The following UBE2K variants were observed in gnomAD, a reference collection of about 807,000 sequenced individuals.
UBE2K encodes the protein ubiquitin conjugating enzyme E2 K.
A neutral mutation model predicts 30.0 loss-of-function variants in UBE2K; 6 were observed. The observed-to-expected ratio is 0.20, with a 90% CI of 0.11 to 0.39. The LOEUF (loss-of-function observed/expected upper bound fraction) is 0.39, where lower values mean the gene tolerates loss of function less well. UBE2K is among the 10% of genes least tolerant of loss of function. UBE2K has a pLI of 1.00. For missense variants in UBE2K, 61 were observed against 241.6 expected (o/e 0.25, Z 4.96); for synonymous variants, 86 against 83.7 (o/e 1.03, Z -0.15).
intron 1 of UBE2K, among the ~76,000 whole-genome samples, chr4:39,706,391 C>T (rs1389271555): frequency 2.7e-5 from 4 of 150,458 alleles, no homozygotes; most frequent in Admixed American, 6.6e-5. Context: ...CTTAAACTCG[C>T]GGCCTCAGAT....
rs542937036 is a variant in UBE2K at position 39,779,249 on chromosome 4, G to T, written c.*815G>T. ...TGGAACTGCCAATTTTATTTCTCTT[G>T]CAAAAATAGTAAATACTTGATGTTA... On this transcript the variant is annotated 3_prime_UTR_variant, in exon 7 of 7. Coordinates refer to ENST00000261427, the MANE Select transcript of UBE2K (RefSeq NM_005339.5). The T allele has an allele frequency of 6.6e-6, 1 of 152,150 alleles. No homozygotes were observed. The highest frequency in any genetic ancestry group is 6.5e-5 in the Admixed American group (1 of 15,274). 9.4% of individuals were successfully genotyped at this position (152,150 alleles called of 1,614,324 possible). A position where few individuals can be genotyped will look rare whatever the true frequency, so the allele number is the denominator to read the frequency against.
chr4:39,771,877 C>T (rs149256772), intron 4 of UBE2K, among the ~76,000 whole-genome samples: 69 of 152,256 alleles, frequency 4.5e-4, no homozygotes, highest in African/African-American at 1.7e-3. Context: ...GTCTGGCTGT[C>T]TCCCTCAGGC....
At chr4:39,720,397 G>A (rs995671561) in intron 1 of UBE2K, among the ~76,000 whole-genome samples, 1 of 151,834 alleles carries the variant, frequency 6.6e-6, no homozygotes, top group African/African-American at 2.4e-5. Context: ...ATCATCTGTG[G>A]TTCAATTCTT....
At chr4:39,738,792 C>T (rs1720513532) in intron 2 of UBE2K, among the ~76,000 whole-genome samples, 1 of 151,992 alleles carries the variant, frequency 6.6e-6, no homozygotes, top group Non-Finnish European at 1.5e-5. Flanking sequence ...ATTCTCCTGC[C>T]TTAGCCTCCT....
chr4:39,773,612 AGT>A (rs1713070800), intron 4 of UBE2K, among the ~76,000 whole-genome samples: 1 of 151,904 alleles, frequency 6.6e-6, no homozygotes, highest in African/African-American at 2.4e-5. Flanking sequence ...TAGAAAAATA[AGT>A]GAGTGGATAA....
chr4:39,777,890 T>G, intron 6 of UBE2K, 80 bp downstream of exon 6: 2 of 1,319,266 alleles, frequency 1.5e-6, no homozygotes, highest in South Asian at 2.4e-5. Context: ...CAAAAGTGGT[T>G]TAGAAAATAA....
At chr4:39,757,018 GTTT>G (rs1227834116) in intron 4 of UBE2K, among the ~76,000 whole-genome samples, 1 of 72,120 alleles carries the variant, frequency 1.4e-5, no homozygotes, top group African/African-American at 5.5e-5. Context: ...TTTGTTTTTT[GTTT>G]TTTGTTTTTT....
intron 1 of UBE2K, among the ~76,000 whole-genome samples, chr4:39,704,661 C>A (rs147929222): frequency 1.2e-4 from 18 of 152,124 alleles, no homozygotes; most frequent in African/African-American, 4.1e-4. Context: ...CTACCTCAGC[C>A]TTCCAAGTAG....
intron 1 of UBE2K, among the ~76,000 whole-genome samples, chr4:39,706,316 A>G (rs148809789): frequency 6.6e-6 from 1 of 151,760 alleles, no homozygotes; most frequent in African/African-American, 2.4e-5. Flanking sequence ...CTGTCCGGCC[A>G]CAATACCCAG....
rs146644694 is a variant in UBE2K, at chr4:39,728,016, C to T, written c.64-9404C>T. Among the ~76,000 whole-genome samples, 47 of 152,146 alleles carry T rather than the reference C, an allele frequency of 3.1e-4. No individual in the cohort carries two copies. The East Asian group carries it at 7.5e-3, about 24-fold the overall frequency. ...AGGCGTGGTGCTGTGCGCCTGTAGT[C>T]CCAGCTACTCAGGAGGTTGAGACAG... On this transcript the variant is annotated intron_variant, in intron 1 of 6. Coordinates refer to ENST00000261427, the MANE Select transcript of UBE2K (RefSeq NM_005339.5).
intron 1 of UBE2K, among the ~76,000 whole-genome samples, chr4:39,701,823 C>T (rs1025725210): frequency 2.6e-5 from 4 of 150,990 alleles, no homozygotes; most frequent in Non-Finnish European, 5.9e-5. Flanking sequence ...TGCAGTGGTG[C>T]GATCTCAGCT....
chr4:39,771,593 G>GCGCTGGC (rs1712858881), intron 4 of UBE2K, among the ~76,000 whole-genome samples: 1 of 152,180 alleles, frequency 6.6e-6, no homozygotes, highest in Non-Finnish European at 1.5e-5. Context: ...GGGCGCGCTC[G>GCGCTGGC]CGCTGGCGGG....
chr4:39,765,932 CAT>C (rs1712297568), intron 4 of UBE2K, among the ~76,000 whole-genome samples: 5 of 151,974 alleles, frequency 3.3e-5, no homozygotes, highest in Non-Finnish European at 5.9e-5. Flanking sequence ...TACATACATA[CAT>C]ACATACACAC....
At chr4:39,750,525 A>G (rs879397261) in intron 3 of UBE2K, among the ~76,000 whole-genome samples, 5 of 152,122 alleles carry the variant, frequency 3.3e-5, no homozygotes, top group Non-Finnish European at 5.9e-5. Flanking sequence ...AGACAACGCT[A>G]CTACTAGTTT....
chr4:39,752,912 T>G (rs1030048395), intron 3 of UBE2K, among the ~76,000 whole-genome samples: 26 of 151,912 alleles, frequency 1.7e-4, no homozygotes, highest in African/African-American at 6.3e-4. Context: ...CCCAGCAGTT[T>G]GGGAGGCCGA....
chr4:39,714,620 C>T (rs1233989048), intron 1 of UBE2K, among the ~76,000 whole-genome samples: 1 of 141,012 alleles, frequency 7.1e-6, no homozygotes, highest in Admixed American at 7.6e-5. Context: ...GATCTCAGCC[C>T]ACTGCAGCCT....
chr4:39,716,655 G>C (rs1719081035), intron 1 of UBE2K, among the ~76,000 whole-genome samples: 1 of 151,944 alleles, frequency 6.6e-6, no homozygotes. Flanking sequence ...GAGCCCAGGA[G>C]TTTGAGACCG....
chr4:39,717,183 T>C (rs953448967), intron 1 of UBE2K, among the ~76,000 whole-genome samples: 20 of 151,904 alleles, frequency 1.3e-4, no homozygotes, highest in African/African-American at 4.8e-4. Context: ...AATAAAAGTT[T>C]GCTTATGTAC....
intron 4 of UBE2K, among the ~76,000 whole-genome samples, chr4:39,759,226 G>A (rs555082499): frequency 2.1e-4 from 32 of 151,946 alleles, no homozygotes; most frequent in Middle Eastern, 3.4e-3. Context: ...TGCATCTAGG[G>A]GTGATGATAT....
Sources: allele counts gnomAD v4.1 joint callset (sites outside exome capture counted in the v4.1 genomes callset), GRCh38; gene constraint gnomAD v4.1.1; transcripts MANE v1.5; gene names NCBI Gene and HGNC (gene_info 2026-07-23, HGNC 2026-07-21).